Variants in FANCC observed in about 807,000 individuals in gnomAD.
The protein encoded by FANCC is Fanconi anemia group C protein.
In FANCC, 55 loss-of-function variants were observed where a neutral mutation model predicts 71.3. The ratio of observed to expected loss-of-function variants is 0.77; its 90% CI spans 0.62 to 0.97. The LOEUF (loss-of-function observed/expected upper bound fraction) is 0.97. Ranked by LOEUF, FANCC falls within the 50% of genes least tolerant of loss-of-function variation. The probability of loss-of-function intolerance (pLI) is 0.00; values close to 1 mark genes in which losing one functional copy is unlikely to be tolerated. For missense variants in FANCC, 678 were observed against 670.9 expected (o/e 1.01, Z -0.12); for synonymous variants, 275 against 244.9 (o/e 1.12, Z -1.15).
At chr9:95,231,335 C>T (rs1433933724) in intron 4 of FANCC, among the ~76,000 whole-genome samples, 1 of 152,202 alleles carries the variant, frequency 6.6e-6, no homozygotes, top group African/African-American at 2.4e-5. Context: ...CAAGGTCATA[C>T]TGAGACAGCC....
intron 4 of FANCC, among the ~76,000 whole-genome samples, chr9:95,240,154 T>C (rs356676): frequency 0.99 from 151,324 of 152,306 alleles, 75,175 homozygotes; most frequent in East Asian, 1. Flanking sequence ...CAGCAGAGGC[T>C]GCGCAGCACC....
intron 1 of FANCC, among the ~76,000 whole-genome samples, chr9:95,295,126 G>C (rs1037731582): frequency 1.3e-5 from 2 of 152,130 alleles, no homozygotes; most frequent in African/African-American, 2.4e-5. Context: ...TCTGGGCAAA[G>C]ATTTTTTGGA....
chr9:95,233,853 C>T (rs1311905990), intron 4 of FANCC, among the ~76,000 whole-genome samples: 1 of 152,162 alleles, frequency 6.6e-6, no homozygotes, highest in Non-Finnish European at 1.5e-5. Context: ...CACACTACGA[C>T]CTTAGCCAGT....
intron 1 of FANCC, among the ~76,000 whole-genome samples, chr9:95,261,216 G>T (rs893083590): frequency 4.6e-5 from 7 of 152,132 alleles, no homozygotes; most frequent in Non-Finnish European, 7.3e-5. Flanking sequence ...TCAGATTTAT[G>T]GTAATTTCAA....
At chr9:95,247,666 G>A in intron 2 of FANCC, 150 bp from the exon 3 acceptor site, 1 of 641,990 alleles carries the variant, frequency 1.6e-6, no homozygotes, top group Non-Finnish European at 2.8e-6. Context: ...AGATCTTTAG[G>A]TAAGTAATTC....
intron 4 of FANCC, among the ~76,000 whole-genome samples, chr9:95,212,313 C>T: frequency 6.6e-6 from 1 of 152,050 alleles, no homozygotes; most frequent in East Asian, 1.9e-4. Flanking sequence ...CATGATACAT[C>T]ATAATCAATC....
intron 6 of FANCC, among the ~76,000 whole-genome samples, chr9:95,157,777 GT>G (rs1253395424): frequency 6.6e-6 from 1 of 152,230 alleles, no homozygotes; most frequent in African/African-American, 2.4e-5. Context: ...AAGGTTATCA[GT>G]TGGCCTGCCC....
rs2134547266 is a variant in FANCC, at chr9:95,111,498, G to A, written c.1294C>T (p.Pro432Ser). Residue 432 changes from proline to serine, a missense_variant, in exon 13 of 15, where the codon CCC becomes TCC. Physicochemically the swap from Pro to Ser is moderately conservative, Grantham distance 74. Transcript: ENST00000289081. ...GCTCTCTGCTGCCTCCCATCACGGG[G>A]GCCGTAGTAGAAGGCCAAGAGCCAC... ...LLWLLAFYYG[P>S]RDGRQQRAQT... is the part of the protein sequence containing the mutation. The A allele has an allele frequency of 6.2e-7, 1 of 1,613,956 alleles. No individual in the cohort carries two copies. Among genetic ancestry groups the A allele is most frequent in the Non-Finnish European group, 8.5e-7 (1 of 1,180,030 alleles).
chr9:95,167,987 C>T (rs1233379806), intron 6 of FANCC, among the ~76,000 whole-genome samples: 2 of 152,154 alleles, frequency 1.3e-5, no homozygotes, highest in Non-Finnish European at 2.9e-5. Flanking sequence ...ACCAGTGGAC[C>T]CGGCTAGACA....
chr9:95,144,909 C>T (rs1374534880), intron 7 of FANCC, among the ~76,000 whole-genome samples: 2 of 152,126 alleles, frequency 1.3e-5, no homozygotes, highest in East Asian at 1.9e-4. Context: ...CCAAACATAA[C>T]GCTCGGACTC....
intron 4 of FANCC, among the ~76,000 whole-genome samples, chr9:95,182,452 G>A (rs990694472): frequency 1.3e-5 from 2 of 152,154 alleles, no homozygotes; most frequent in African/African-American, 2.4e-5. Context: ...CCCAGGAGGC[G>A]GAGCTTGCAG....
At chr9:95,317,487 A>G (rs1588462562) in intron 1 of FANCC, 39 bp downstream of exon 1, 2 of 152,408 alleles carry the variant, frequency 1.3e-5, no homozygotes, top group African/African-American at 2.4e-5. Flanking sequence ...CCCCGAGGGA[A>G]GCCTCCGCCC....
intron 4 of FANCC, among the ~76,000 whole-genome samples, chr9:95,195,245 C>CT (rs34718357): frequency 3.1e-4 from 27 of 88,490 alleles, no homozygotes; most frequent in South Asian, 4.0e-4. Flanking sequence ...GTTCCAGAGC[C>CT]TTTTTTTTTT....
At chr9:95,291,963 A>T (rs1172078832) in intron 1 of FANCC, among the ~76,000 whole-genome samples, 192 of 94,434 alleles carry the variant, frequency 2.0e-3, no homozygotes, top group African/African-American at 6.6e-3. Flanking sequence ...AAAAAAAAAA[A>T]AAAAATATAT....
intron 1 of FANCC, among the ~76,000 whole-genome samples, chr9:95,312,382 G>C (rs1369539052): frequency 6.6e-6 from 1 of 152,120 alleles, no homozygotes; most frequent in East Asian, 1.9e-4. Flanking sequence ...TTCTTTTTTA[G>C]AGAGAGGGTC....
intron 4 of FANCC, among the ~76,000 whole-genome samples, chr9:95,199,612 ACAGCACAGACAGTGCCCAGCG>A (rs1827682221): frequency 6.6e-6 from 1 of 152,180 alleles, no homozygotes; most frequent in South Asian, 2.1e-4. Flanking sequence ...TGTGCCCAGC[ACAGCACAGACAGTGCCCAGCG>A]CACACAGGCA....
chr9:95,240,692 TCTTTGTTAATTAGA>T lies in FANCC; in HGVS notation c.288_301del (p.Cys96Ter), dbSNP rs1329256670. ...TTTTGATTGTCCAGAATTCTGTGGT[TCTTTGTTAATTAGA>T]CAACATAAGCACCATATTAGAATTT... is the stretch of plus-strand genomic sequence containing the variant. On this transcript the variant is annotated stop_gained and frameshift_variant, in exon 4 of 15. Transcript: ENST00000289081. LOFTEE classifies it high-confidence loss of function. 6.2e-7 allele frequency: 1 copy of T among 1,613,508 alleles called. No individual in the cohort carries two copies. The highest frequency in any genetic ancestry group is 1.3e-5 in the African/African-American group (1 of 75,034).
intron 4 of FANCC, among the ~76,000 whole-genome samples, chr9:95,196,984 C>A: frequency 6.6e-6 from 1 of 152,158 alleles, no homozygotes; most frequent in East Asian, 1.9e-4. Context: ...ATATCATGAG[C>A]TTTTTCAAGC....
intron 3 of FANCC, among the ~76,000 whole-genome samples, chr9:95,247,156 T>C (rs1039564238): frequency 6.6e-6 from 1 of 152,192 alleles, no homozygotes; most frequent in Non-Finnish European, 1.5e-5. Flanking sequence ...TGGGAGTTTC[T>C]GTCCTCTAAT....
Sources: gnomAD v4.1 joint callset for allele counts (sites outside exome capture counted in the v4.1 genomes callset) on GRCh38, gnomAD v4.1.1 for gene constraint, MANE v1.5 for transcripts, NCBI Gene and HGNC (gene_info 2026-07-23, HGNC 2026-07-21) for gene names.